The following KHDRBS3 variants were observed in gnomAD, a reference collection of about 807,000 sequenced individuals.
KHDRBS3 encodes the protein KH RNA binding domain containing, signal transduction associated 3, also known as KH domain-containing, RNA-binding, signal transduction-associated protein 3.
KHDRBS3 carries 23 observed loss-of-function variants against 45.6 expected under a neutral mutation model. The ratio of observed to expected loss-of-function variants is 0.50; its 90% CI spans 0.36 to 0.72. The LOEUF (loss-of-function observed/expected upper bound fraction) is 0.72. Ranked by LOEUF, KHDRBS3 falls within the 30% of genes least tolerant of loss-of-function variation. The pLI, the probability that KHDRBS3 is intolerant of heterozygous loss-of-function variation, is 0.00. For synonymous variants in KHDRBS3, 162 were observed against 156.5 expected, an observed-to-expected ratio of 1.04 and a Z score of -0.26; for missense variants, 352 against 424.8, an observed-to-expected ratio of 0.83 and a Z score of 1.51.
chr8:135,457,731 A>ACCGC lies in KHDRBS3; in HGVS notation c.-132_-129dup. On this transcript the variant is annotated 5_prime_UTR_variant, in exon 1 of 9. Coordinates refer to ENST00000355849, the MANE Select transcript of KHDRBS3 (RefSeq NM_006558.3). This position sits in a 1 kb window ranked among gnomAD's most constrained non-coding sequence, Gnocchi z 4.4. ...TGCCGCCGCCGCCGCCTTCCGGCCGACCGCCCGGCTTGGCCGCTGCTGCCG... is the reference window on the plus strand; with the variant it reads ...TGCCGCCGCCGCCGCCTTCCGGCCGACCGCCCGCCCGGCTTGGCCGCTGCTGCCG... 1 of 200,822 alleles carries ACCGC rather than the reference A, an allele frequency of 5.0e-6. No individual in the cohort carries two copies. The highest frequency in any genetic ancestry group is 9.1e-6 in the Non-Finnish European group (1 of 110,130). The allele number at this position is 200,822 out of a possible 1,614,324, so 12.4% of individuals were successfully genotyped here. A position where few individuals can be genotyped will look rare whatever the true frequency, so the allele number is the denominator to read the frequency against.
chr8:135,555,855 C>T (rs144542773), intron 4 of KHDRBS3, among the ~76,000 whole-genome samples: 88 of 152,170 alleles, frequency 5.8e-4, no homozygotes, highest in African/African-American at 2.0e-3. Context: ...CCGTCACCTA[C>T]GTTAATTCTC....
intron 1 of KHDRBS3, among the ~76,000 whole-genome samples, chr8:135,501,305 GTACA>G (rs1823724659): frequency 6.6e-6 from 1 of 152,164 alleles, no homozygotes; most frequent in African/African-American, 2.4e-5. Flanking sequence ...ACCCTTCAGC[GTACA>G]TAAAGGCAGG....
intron 6 of KHDRBS3, among the ~76,000 whole-genome samples, chr8:135,586,997 T>A (rs1053327050): frequency 6.6e-6 from 1 of 152,218 alleles, no homozygotes; most frequent in African/African-American, 2.4e-5. Context: ...TATTCTGATA[T>A]AGTTTTAGGC....
intron 7 of KHDRBS3, among the ~76,000 whole-genome samples, chr8:135,642,662 C>G (rs1460269174): frequency 1.3e-5 from 2 of 152,094 alleles, no homozygotes; most frequent in Admixed American, 1.3e-4. Flanking sequence ...ACAGAGAGCT[C>G]AAATCATAAC....
chr8:135,484,205 G>A (rs1822728666), intron 1 of KHDRBS3, among the ~76,000 whole-genome samples: 1 of 152,126 alleles, frequency 6.6e-6, no homozygotes, highest in Non-Finnish European at 1.5e-5. Flanking sequence ...CAACTGACTG[G>A]GTAGACCCCT....
chr8:135,567,265 A>G (rs1472017413), intron 5 of KHDRBS3, among the ~76,000 whole-genome samples: 1 of 152,022 alleles, frequency 6.6e-6, no homozygotes, highest in Admixed American at 6.6e-5. Context: ...TCCTAGATAC[A>G]GAGAATAAAG....
intron 7 of KHDRBS3, among the ~76,000 whole-genome samples, chr8:135,644,362 A>G (rs1049312920): frequency 6.6e-6 from 1 of 152,088 alleles, no homozygotes; most frequent in African/African-American, 2.4e-5. Context: ...GCCTCATGTA[A>G]CCAGACTTGT....
intron 7 of KHDRBS3, 70 bp downstream of exon 7, chr8:135,607,107 A>G (rs1829499836): frequency 8.1e-7 from 1 of 1,240,556 alleles, no homozygotes. Context: ...ATATTCTGGG[A>G]AAAGTATGGC....
rs1377392362 is a variant in KHDRBS3 at position 135,565,067 on chromosome 8, T to C, written c.611+7480T>C. On this transcript the variant is annotated intron_variant, in intron 5 of 8. Transcript: ENST00000355849. ...GCTGCGAGTCTTGTTCCATTGGCTG[T>C]CGTGGATAATCGCCTACCCGGAGGC... Among the ~76,000 whole-genome samples the C allele has an allele frequency of 2.0e-5, 3 of 152,316 alleles. No homozygotes were observed. In the East Asian group the frequency reaches 5.8e-4, roughly 29 times the overall value.
At chr8:135,584,612 T>G (rs1356981360) in intron 6 of KHDRBS3, among the ~76,000 whole-genome samples, 1 of 152,224 alleles carries the variant, frequency 6.6e-6, no homozygotes, top group Non-Finnish European at 1.5e-5. Context: ...TTCAGTGGCT[T>G]TTTCAGTATA....
chr8:135,528,389 G>A (rs1825300421), intron 2 of KHDRBS3, among the ~76,000 whole-genome samples: 1 of 152,076 alleles, frequency 6.6e-6, no homozygotes, highest in African/African-American at 2.4e-5. Context: ...CTATTCCATG[G>A]AAATCATCGT....
chr8:135,467,881 A>G (rs907389387), intron 1 of KHDRBS3, among the ~76,000 whole-genome samples: 2 of 152,200 alleles, frequency 1.3e-5, no homozygotes, highest in Admixed American at 6.5e-5. Context: ...TCTCCCTCAC[A>G]TCTTTTAGAT....
At chr8:135,497,478 C>A (rs1373706206) in intron 1 of KHDRBS3, among the ~76,000 whole-genome samples, 1 of 152,078 alleles carries the variant, frequency 6.6e-6, no homozygotes, top group Non-Finnish European at 1.5e-5. Flanking sequence ...TGAATTCAGC[C>A]TTATTACCTT....
At chr8:135,605,635 A>C (rs533314206) in intron 6 of KHDRBS3, among the ~76,000 whole-genome samples, 2 of 152,306 alleles carry the variant, frequency 1.3e-5, no homozygotes, top group South Asian at 4.1e-4. Context: ...TTTCATAATC[A>C]GCCCTGCAGA....
intron 1 of KHDRBS3, among the ~76,000 whole-genome samples, chr8:135,520,982 T>G (rs1824875523): frequency 6.6e-6 from 1 of 152,226 alleles, no homozygotes. Flanking sequence ...ATTTTTGTGT[T>G]GTTTATCTGG....
At chr8:135,461,499 C>T (rs1036863959) in intron 1 of KHDRBS3, among the ~76,000 whole-genome samples, 7 of 152,212 alleles carry the variant, frequency 4.6e-5, no homozygotes, top group African/African-American at 7.2e-5. Flanking sequence ...CTCCGGACCC[C>T]GCCTTGGTGC....
At chr8:135,499,688 G>A (rs564393885) in intron 1 of KHDRBS3, among the ~76,000 whole-genome samples, 2 of 152,232 alleles carry the variant, frequency 1.3e-5, no homozygotes, top group East Asian at 3.9e-4. Context: ...TTTCACTCTA[G>A]AAGCATCAGA....
intron 2 of KHDRBS3, among the ~76,000 whole-genome samples, chr8:135,528,367 C>G (rs1347206697): frequency 6.6e-6 from 1 of 152,056 alleles, no homozygotes; most frequent in Admixed American, 6.6e-5. Context: ...TAAATTACTA[C>G]TTGGTAGAAG....
At chr8:135,614,048 T>C (rs971174121) in intron 7 of KHDRBS3, among the ~76,000 whole-genome samples, 1 of 151,916 alleles carries the variant, frequency 6.6e-6, no homozygotes, top group African/African-American at 2.4e-5. Flanking sequence ...CATTTCCCCA[T>C]TGATTTTTGT....
Sources: allele counts gnomAD v4.1 joint callset (sites outside exome capture counted in the v4.1 genomes callset), GRCh38; gene constraint gnomAD v4.1.1; non-coding constraint Gnocchi (gnomAD v3.1); transcripts MANE v1.5; gene names NCBI Gene and HGNC (gene_info 2026-07-23, HGNC 2026-07-21).